Variants in SLX4IP observed in about 807,000 individuals in gnomAD.
SLX4IP encodes the protein protein SLX4IP.
Under a neutral mutation model 32.9 loss-of-function variants are expected in SLX4IP, and 34 were observed. The ratio of observed to expected loss-of-function variants is 1.03; its 90% CI spans 0.79 to 1.38. SLX4IP has a LOEUF of 1.38. SLX4IP is among the 40% of genes most tolerant of loss of function. The pLI is 0.00. For missense variants in SLX4IP, 444 were observed against 479.0 expected (o/e 0.93, Z 0.68); for synonymous variants, 172 against 171.7 (o/e 1.00, Z -0.01).
intron 2 of SLX4IP, among the ~76,000 whole-genome samples, chr20:10,463,037 T>C (rs778928103): frequency 1.2e-4 from 19 of 152,106 alleles, no homozygotes; most frequent in Non-Finnish European, 2.4e-4. Context: ...CTGGGCAACA[T>C]AGAGAGACCC....
intron 5 of SLX4IP, among the ~76,000 whole-genome samples, 155 bp downstream of exon 5, chr20:10,598,907 C>T (rs535769167): frequency 2.6e-5 from 4 of 152,176 alleles, no homozygotes; most frequent in African/African-American, 7.2e-5. Flanking sequence ...TTCCTCCCAC[C>T]TTGTACTGTG....
intron 1 of SLX4IP, among the ~76,000 whole-genome samples, chr20:10,456,888 T>C (rs565996943): frequency 6.6e-6 from 1 of 152,320 alleles, no homozygotes; most frequent in Non-Finnish European, 1.5e-5. Context: ...TCCACTTAAG[T>C]CTTTAATTTC....
chr20:10,508,753 T>C (rs1027999178), intron 2 of SLX4IP, among the ~76,000 whole-genome samples: 2 of 152,222 alleles, frequency 1.3e-5, no homozygotes, highest in Non-Finnish European at 2.9e-5. Context: ...AGCCTGCTTC[T>C]AACTCTGCTT....
chr20:10,539,662 A>G (rs2066081457), intron 2 of SLX4IP, among the ~76,000 whole-genome samples: 1 of 152,196 alleles, frequency 6.6e-6, no homozygotes, highest in Admixed American at 6.5e-5. Context: ...TACTTAAAAC[A>G]AGGAATAATT....
chr20:10,550,984 T>C (rs966873498), intron 2 of SLX4IP, among the ~76,000 whole-genome samples: 1 of 152,174 alleles, frequency 6.6e-6, no homozygotes, highest in Non-Finnish European at 1.5e-5. Flanking sequence ...TCAGCAGGTG[T>C]TTCAGATGAT....
intron 4 of SLX4IP, among the ~76,000 whole-genome samples, chr20:10,566,452 CTG>C (rs1468834014): frequency 1.3e-5 from 2 of 152,076 alleles, no homozygotes; most frequent in African/African-American, 4.8e-5. Flanking sequence ...TTGTTATCAT[CTG>C]TGTTATAATC....
chr20:10,477,782 G>T (rs900880119), intron 2 of SLX4IP, among the ~76,000 whole-genome samples: 1 of 152,106 alleles, frequency 6.6e-6, no homozygotes, highest in South Asian at 2.1e-4. Flanking sequence ...GATACCAGCT[G>T]GGAAACATAT....
At chr20:10,539,562 G>A (rs113357773) in intron 2 of SLX4IP, among the ~76,000 whole-genome samples, 4,385 of 152,012 alleles carry the variant, frequency 0.029, 107 homozygotes, top group Admixed American at 0.09. Flanking sequence ...CAGACACCAG[G>A]ATCTGCCTCC....
intron 2 of SLX4IP, among the ~76,000 whole-genome samples, chr20:10,472,234 CTTT>C (rs5840380): frequency 1.4e-5 from 2 of 142,406 alleles, no homozygotes. Context: ...TAATACTATA[CTTT>C]TTTTTTTTTT....
At chr20:10,597,822 A>G (rs1267454258) in intron 4 of SLX4IP, among the ~76,000 whole-genome samples, 1 of 152,152 alleles carries the variant, frequency 6.6e-6, no homozygotes, top group Non-Finnish European at 1.5e-5. Context: ...GCGTATGAGA[A>G]TTCCAGTTGT....
intron 2 of SLX4IP, among the ~76,000 whole-genome samples, chr20:10,466,324 A>G (rs936113559): frequency 6.6e-6 from 1 of 152,120 alleles, no homozygotes; most frequent in African/African-American, 2.4e-5. Context: ...AAAGTTTCCT[A>G]CCTCATTGTG....
intron 4 of SLX4IP, among the ~76,000 whole-genome samples, chr20:10,567,458 T>G (rs972152820): frequency 6.6e-6 from 1 of 152,176 alleles, no homozygotes; most frequent in Non-Finnish European, 1.5e-5. Flanking sequence ...GAGGACTCAG[T>G]GTTCAAGGCA....
At chr20:10,597,921 A>T (rs920898528) in intron 4 of SLX4IP, among the ~76,000 whole-genome samples, 1 of 152,138 alleles carries the variant, frequency 6.6e-6, no homozygotes, top group Non-Finnish European at 1.5e-5. Context: ...CTCATGTCAT[A>T]TTTCTTTTAA....
intron 2 of SLX4IP, among the ~76,000 whole-genome samples, chr20:10,529,725 C>G (rs1280751190): frequency 6.6e-6 from 1 of 151,770 alleles, no homozygotes; most frequent in Non-Finnish European, 1.5e-5. Context: ...GGTTCAAGGA[C>G]CCTCTCCCAT....
Position 10,598,706 on chromosome 20 carries a change from CAA to C in SLX4IP, c.271_272del (p.Lys91GlufsTer15), listed in dbSNP as rs761116418. On this transcript the variant is annotated frameshift_variant, in exon 5 of 8. Transcript: ENST00000334534. LOFTEE classifies it high-confidence loss of function. ...YGFQITAYFLKRGIRLRCIRS... is the reference protein window; with the variant it reads ...YGFQITAYFLXRGIRLRCIRS... ...GCTTTCAAATCACAGCCTATTTCCT[CAA>C]GAGAGGGATACGCCTTCGCTGCATC... The C allele has an allele frequency of 5.0e-6, 8 of 1,614,128 alleles. No individual in the cohort carries two copies. The South Asian group carries it at 7.7e-5, about 16-fold the overall frequency.
chr20:10,573,834 C>A (rs1183669593), intron 4 of SLX4IP, among the ~76,000 whole-genome samples: 1 of 152,100 alleles, frequency 6.6e-6, no homozygotes, highest in South Asian at 2.1e-4. Context: ...ACATTTCTTC[C>A]CATAATGGAC....
chr20:10,560,788 A>G lies in SLX4IP; in HGVS notation c.206A>G (p.Glu69Gly). The G allele has an allele frequency of 6.2e-7, 1 of 1,607,684 alleles. No individual in the cohort carries two copies. The highest frequency in any genetic ancestry group is 8.5e-7 in the Non-Finnish European group (1 of 1,177,178). Residue 69 changes from glutamate (E) to glycine (G), a missense_variant, in exon 4 of 8, where the codon GAA becomes GGA. Transcript: ENST00000334534. ...AAACAGCACAGGCCATCAAATGCAG[A>G]ATTCACAAGATCCAATCCCTTGTCC... The part of the protein sequence containing the change: ...VRKQHRPSNA[E>G]FTRSNPLSLK...
Position 10,625,101 on chromosome 20 carries a change from ACT to A in SLX4IP, c.*1725_*1726del, listed in dbSNP as rs2067158286. ...CAGAATACTAACTTCAGTGGAGCTG[ACT>A]CTGCTTATACAATAGGGGTGGGCTG... On this transcript the variant is annotated 3_prime_UTR_variant, in exon 8 of 8. Coordinates refer to ENST00000334534, the MANE Select transcript of SLX4IP (RefSeq NM_001009608.3). 1 of 152,098 alleles carries A rather than the reference ACT, an allele frequency of 6.6e-6. No individual in the cohort carries two copies. The highest frequency in any genetic ancestry group is 6.5e-5 in the Admixed American group (1 of 15,270). 9.4% of individuals were successfully genotyped at this position (152,098 alleles called of 1,614,324 possible).
intron 4 of SLX4IP, among the ~76,000 whole-genome samples, chr20:10,579,220 T>C (rs766624929): frequency 4.6e-5 from 7 of 152,188 alleles, no homozygotes; most frequent in Non-Finnish European, 1.0e-4. Flanking sequence ...CTTTGATGCA[T>C]TTTGAGTTAA....
Sources: allele counts gnomAD v4.1 joint callset (sites outside exome capture counted in the v4.1 genomes callset), GRCh38; gene constraint gnomAD v4.1.1; transcripts MANE v1.5; gene names NCBI Gene and HGNC (gene_info 2026-07-23, HGNC 2026-07-21).